The following KCTD3 variants were observed in gnomAD, a reference collection of about 807,000 sequenced individuals.
KCTD3 encodes the protein BTB/POZ domain-containing protein KCTD3.
KCTD3 carries 41 observed loss-of-function variants against 85.8 expected under a neutral mutation model. The observed-to-expected ratio is 0.48, with a 90% CI of 0.37 to 0.62. The LOEUF (loss-of-function observed/expected upper bound fraction) is 0.62, where lower values mean the gene tolerates loss of function less well. KCTD3 is among the 20% of genes least tolerant of loss of function. The pLI is 0.00. For synonymous variants in KCTD3, 338 were observed against 345.4 expected (o/e 0.98, Z 0.24); for missense variants, 724 against 989.9 (o/e 0.73, Z 3.60).
In KCTD3 at chr1:215,586,495, A is replaced by G; in HGVS notation, c.627A>G (p.Arg209=). ...AAYAHFAVCY[R]IKESSGWQQV... is the part of the protein sequence containing the mutation. Reference sequence around the variant, plus strand: ...TTATGTGCCTGTTCTTCCTTAACAGAATCAAAGAATCTTCAGGATGGCAGC... The same window carrying G: ...TTATGTGCCTGTTCTTCCTTAACAGGATCAAAGAATCTTCAGGATGGCAGC... Residue 209 remains arginine, a splice_region_variant and synonymous_variant, in exon 9 of 18, where the codon AGA becomes AGG. Coordinates refer to ENST00000259154, the MANE Select transcript of KCTD3 (RefSeq NM_016121.5). 6.2e-7 allele frequency: 1 copy of G among 1,610,390 alleles called. No homozygotes were observed. The highest frequency in any genetic ancestry group is 1.7e-4 in the Middle Eastern group (1 of 6,054).
chr1:215,588,915 G>A (rs1266978584), intron 9 of KCTD3, among the ~76,000 whole-genome samples: 1 of 152,116 alleles, frequency 6.6e-6, no homozygotes, highest in African/African-American at 2.4e-5. Flanking sequence ...TTTCTTCATG[G>A]ACTTTTCATC....
Position 215,619,152 on chromosome 1 carries a change from G to A in KCTD3, c.1748-1G>A, listed in dbSNP as rs773377223. ...TTTTAATGACTATTTGTTCTCCTAAGATGTAGGTGGTCCAACCGAAGAAGA... is the reference window on the plus strand; with the variant it reads ...TTTTAATGACTATTTGTTCTCCTAAAATGTAGGTGGTCCAACCGAAGAAGA... On this transcript the variant is annotated splice_acceptor_variant, in intron 16 of 17. Transcript: ENST00000259154. LOFTEE classifies it high-confidence loss of function. The A allele has an allele frequency of 6.2e-7, 1 of 1,613,342 alleles. No individual in the cohort carries two copies. Among genetic ancestry groups the A allele is most frequent in the African/African-American group, 1.3e-5 (1 of 74,916 alleles).
intron 10 of KCTD3, among the ~76,000 whole-genome samples, chr1:215,599,908 A>G (rs1654767311): frequency 6.6e-6 from 1 of 152,002 alleles, no homozygotes; most frequent in East Asian, 1.9e-4. Flanking sequence ...AAAAAAAAAA[A>G]AAGAATGTAT....
intron 1 of KCTD3, among the ~76,000 whole-genome samples, chr1:215,571,991 G>T (rs187537304): frequency 6.6e-6 from 1 of 152,138 alleles, no homozygotes; most frequent in African/African-American, 2.4e-5. Flanking sequence ...AATTTATTTT[G>T]GAGACTAAGG....
intron 3 of KCTD3, among the ~76,000 whole-genome samples, chr1:215,574,545 G>A (rs911574334): frequency 6.6e-6 from 1 of 152,100 alleles, no homozygotes. Flanking sequence ...TACAGTGAGG[G>A]AAGGAAAGAA....
At chr1:215,615,286 A>G (rs1655390457) in intron 15 of KCTD3, among the ~76,000 whole-genome samples, 1 of 152,184 alleles carries the variant, frequency 6.6e-6, no homozygotes, top group Non-Finnish European at 1.5e-5. Context: ...GGAAGCAAGA[A>G]AAAACCTTGT....
Position 215,608,028 on chromosome 1 carries a change from A to G in KCTD3, c.1321A>G (p.Asn441Asp). The G allele has an allele frequency of 6.2e-7, 1 of 1,606,866 alleles. No individual in the cohort carries two copies. The highest frequency in any genetic ancestry group is 2.2e-5 in the East Asian group (1 of 44,762). ...TCTTTCTCTGCTAGTCTGTGCAGAT[A>G]ATAATCATGTCCGGACGTGGACAGT... is the stretch of plus-strand genomic sequence containing the variant. ...EKHLVSVCAD[N>D]NHVRTWTVTR... The change falls in exon 14 of 18, where the codon AAT becomes GAT. Residue 441 changes from asparagine (N) to aspartate (D), a missense_variant. Physicochemically the swap from Asn to Asp is conservative, Grantham distance 23 (BLOSUM62 1). Coordinates refer to ENST00000259154, the MANE Select transcript of KCTD3 (RefSeq NM_016121.5).
intron 10 of KCTD3, among the ~76,000 whole-genome samples, chr1:215,600,728 A>G (rs1236004282): frequency 2.0e-5 from 3 of 152,210 alleles, no homozygotes. Flanking sequence ...ATAGTATATG[A>G]AAAGTAAAAG....
In KCTD3 at chr1:215,602,067, A is replaced by T. The variant is rs776748909; in HGVS notation, c.1022-18A>T. The T allele has an allele frequency of 8.7e-6, 13 of 1,499,508 alleles. No individual in the cohort carries two copies. Among genetic ancestry groups the T allele is most frequent in the East Asian group, 2.3e-5 (1 of 43,998 alleles). 92.9% of individuals were successfully genotyped at this position (1,499,508 alleles called of 1,614,324 possible). ...TATGCTATTTATTTTAATGCTGTTT[A>T]AAATTTTTATGTTTTAGATATGCAG... On this transcript the variant is annotated intron_variant, in intron 11 of 17. Transcript: ENST00000259154.
chr1:215,600,872 G>C (rs918383085), intron 10 of KCTD3, among the ~76,000 whole-genome samples: 1 of 152,054 alleles, frequency 6.6e-6, no homozygotes, highest in East Asian at 1.9e-4. Flanking sequence ...AAACAGGGAA[G>C]ATTCATTTTG....
At chr1:215,577,105 T>C (rs1659616395) in intron 4 of KCTD3, among the ~76,000 whole-genome samples, 1 of 152,048 alleles carries the variant, frequency 6.6e-6, no homozygotes, top group Non-Finnish European at 1.5e-5. Flanking sequence ...TCATTTCATC[T>C]GGATAACATA....
At chr1:215,591,276 CT>C (rs1558235535) in intron 9 of KCTD3, among the ~76,000 whole-genome samples, 8 of 142,964 alleles carry the variant, frequency 5.6e-5, no homozygotes, top group African/African-American at 2.2e-4. Context: ...TTCTCTCTCT[CT>C]CCTTCCTTCT....
rs145226766 is a variant in KCTD3, at chr1:215,586,638, G to A, written c.770G>A (p.Ser257Asn). Residue 257 changes from serine to asparagine, a missense_variant, in exon 9 of 18, where the codon AGC becomes AAC. Physicochemically the swap from Ser to Asn is conservative, Grantham distance 46 (BLOSUM62 1). Coordinates refer to ENST00000259154, the MANE Select transcript of KCTD3 (RefSeq NM_016121.5). Reference sequence around the variant, plus strand: ...ATGGTTGCTGTTGCCTCAGAGAGTAGCATCATCTTGTGGAGTGTTCAGGAT... The same window carrying A: ...ATGGTTGCTGTTGCCTCAGAGAGTAACATCATCTTGTGGAGTGTTCAGGAT... ...DKMVAVASES[S>N]IILWSVQDGG... 2,980 of 1,614,064 alleles carry A rather than the reference G, an allele frequency of 1.8e-3. 5 individuals are homozygous for A. The highest frequency in any genetic ancestry group is 2.1e-3 in the Non-Finnish European group (2,453 of 1,179,962).
At chr1:215,614,701 A>C (rs1245262486) in intron 15 of KCTD3, among the ~76,000 whole-genome samples, 1 of 152,170 alleles carries the variant, frequency 6.6e-6, no homozygotes, top group Non-Finnish European at 1.5e-5. Context: ...GTTGTTTATT[A>C]GATGTAGGAG....
At chr1:215,602,036 A>G (rs748508071) in intron 11 of KCTD3, 49 bp from the exon 12 acceptor site, 1 of 1,407,948 alleles carries the variant, frequency 7.1e-7, no homozygotes, top group Admixed American at 1.8e-5. Context: ...TTCAGTTTTA[A>G]ATAGATATGC....
intron 8 of KCTD3, among the ~76,000 whole-genome samples, chr1:215,584,031 T>TAACCAAGCTGATATGGAGTTGG (rs1207744626): frequency 4.8e-4 from 73 of 152,318 alleles, no homozygotes; most frequent in African/African-American, 1.6e-3. Context: ...GAAATTGTTG[T>TAACCAAGCTGATATGGAGTTGG]AACCAAGCTG....
chr1:215,616,151 G>C (rs1655440403), intron 15 of KCTD3, among the ~76,000 whole-genome samples: 1 of 152,180 alleles, frequency 6.6e-6, no homozygotes, highest in Non-Finnish European at 1.5e-5. Flanking sequence ...GCAGGTCAGA[G>C]AGAAACTTTG....
At chr1:215,592,686 G>A (rs1049029122) in intron 9 of KCTD3, among the ~76,000 whole-genome samples, 10 of 152,154 alleles carry the variant, frequency 6.6e-5, no homozygotes, top group Admixed American at 6.5e-4. Flanking sequence ...TGTAAAAGGA[G>A]CCATTTGTTG....
At chr1:215,599,176 ATGAG>A (rs1249155695) in intron 10 of KCTD3, among the ~76,000 whole-genome samples, 1 of 152,176 alleles carries the variant, frequency 6.6e-6, no homozygotes, top group Non-Finnish European at 1.5e-5. Context: ...TCAAACCTGA[ATGAG>A]AAGGGTTTTT....
Sources: gnomAD v4.1 joint callset for allele counts (sites outside exome capture counted in the v4.1 genomes callset) on GRCh38, gnomAD v4.1.1 for gene constraint, MANE v1.5 for transcripts, NCBI Gene and HGNC (gene_info 2026-07-23, HGNC 2026-07-21) for gene names.